PTPRT: variants seen among roughly 807,000 people sequenced by gnomAD.
PTPRT encodes the protein receptor-type tyrosine-protein phosphatase T.
PTPRT carries 56 observed loss-of-function variants against 176.8 expected under a neutral mutation model. The observed-to-expected ratio is 0.32, with a 90% confidence interval of 0.26 to 0.40. The LOEUF (loss-of-function observed/expected upper bound fraction) is 0.40, where lower values mean the gene tolerates loss of function less well. Among genes scored for constraint, PTPRT ranks in the 10% least tolerant of loss-of-function variants. The pLI is 1.00. For synonymous variants in PTPRT, 783 were observed against 739.0 expected (o/e 1.06, Z -0.96); for missense variants, 1,540 against 1,908.2 (o/e 0.81, Z 3.60).
At chr20:42,915,130 T>C (rs1226061380) in intron 1 of PTPRT, among the ~76,000 whole-genome samples, 7 of 152,242 alleles carry the variant, frequency 4.6e-5, no homozygotes, top group Non-Finnish European at 4.4e-5. Context: ...TCGTTGTTAA[T>C]GTTTCGTGGT....
intron 12 of PTPRT, among the ~76,000 whole-genome samples, chr20:42,309,378 G>C (rs371631420): frequency 6.6e-6 from 1 of 152,132 alleles, no homozygotes; most frequent in African/African-American, 2.4e-5. Context: ...AACTGAGACA[G>C]CTACCCTGGG....
At chr20:42,697,482 T>C (rs1373198385) in intron 6 of PTPRT, among the ~76,000 whole-genome samples, 1 of 152,192 alleles carries the variant, frequency 6.6e-6, no homozygotes, top group Non-Finnish European at 1.5e-5. Flanking sequence ...GAAAGGAAGA[T>C]AACCGGTAAG....
intron 18 of PTPRT, among the ~76,000 whole-genome samples, chr20:42,131,442 CAG>C (rs1988118087): frequency 6.6e-6 from 1 of 152,144 alleles, no homozygotes; most frequent in Non-Finnish European, 1.5e-5. Flanking sequence ...GCACTGGAAA[CAG>C]AGATTGTGGT....
intron 17 of PTPRT, among the ~76,000 whole-genome samples, chr20:42,157,796 C>A (rs1989427285): frequency 6.6e-6 from 1 of 152,186 alleles, no homozygotes; most frequent in African/African-American, 2.4e-5. Flanking sequence ...AAGTTTGGGC[C>A]ACAACGGTGA....
chr20:42,548,373 T>C (rs1008034206), intron 7 of PTPRT, among the ~76,000 whole-genome samples: 3 of 152,020 alleles, frequency 2.0e-5, no homozygotes, highest in Non-Finnish European at 2.9e-5. Context: ...AATATAAAAA[T>C]ATATCATGTA....
intron 1 of PTPRT, among the ~76,000 whole-genome samples, chr20:43,169,358 C>T (rs1034742825): frequency 2.0e-5 from 3 of 152,318 alleles, no homozygotes; most frequent in Admixed American, 1.3e-4. Flanking sequence ...ACTGCCACTA[C>T]ATCTTCAGTA....
intron 2 of PTPRT, among the ~76,000 whole-genome samples, chr20:42,853,572 G>GA (rs920729272): frequency 3.3e-5 from 5 of 152,106 alleles, no homozygotes; most frequent in Non-Finnish European, 7.4e-5. Flanking sequence ...AGAAAAGAGA[G>GA]AAAAAATGAA....
intron 7 of PTPRT, among the ~76,000 whole-genome samples, chr20:42,535,246 TA>T (rs1423669947): frequency 3.3e-5 from 5 of 152,150 alleles, no homozygotes; most frequent in African/African-American, 1.2e-4. Context: ...TAATGCATGT[TA>T]TCAACTATAA....
chr20:42,862,737 G>A (rs896904312), intron 2 of PTPRT, among the ~76,000 whole-genome samples: 16 of 151,992 alleles, frequency 1.1e-4, no homozygotes, highest in Admixed American at 2.6e-4. Flanking sequence ...TATTTTTCTC[G>A]TCAAGACTGC....
chr20:42,213,205 C>A (rs1308597143), intron 15 of PTPRT, among the ~76,000 whole-genome samples: 1 of 85,422 alleles, frequency 1.2e-5, no homozygotes. Flanking sequence ...GCCCTCCAAG[C>A]AATTCTACTG....
intron 13 of PTPRT, among the ~76,000 whole-genome samples, chr20:42,278,594 T>G (rs1271409895): frequency 6.6e-6 from 1 of 151,980 alleles, no homozygotes; most frequent in Admixed American, 6.6e-5. Context: ...GTAAGAGAAC[T>G]TGGATGGAAC....
chr20:42,871,297 G>A (rs1215269264), intron 2 of PTPRT, among the ~76,000 whole-genome samples: 1 of 120,554 alleles, frequency 8.3e-6, no homozygotes, highest in East Asian at 2.4e-4. Flanking sequence ...TTGGACAAAT[G>A]TCTATTTCAG....
At chr20:42,273,763 C>T (rs1054532472) in intron 13 of PTPRT, among the ~76,000 whole-genome samples, 5 of 152,220 alleles carry the variant, frequency 3.3e-5, no homozygotes, top group East Asian at 1.9e-4. Flanking sequence ...AAATTACATA[C>T]ATTTCTAAAT....
intron 19 of PTPRT, among the ~76,000 whole-genome samples, chr20:42,121,814 A>G (rs975507700): frequency 1.3e-5 from 2 of 151,862 alleles, no homozygotes; most frequent in Admixed American, 6.6e-5. Context: ...GTACCATGGA[A>G]TACTACTAAG....
At chr20:42,100,528 T>C (rs1985831744) in intron 26 of PTPRT, among the ~76,000 whole-genome samples, 1 of 152,180 alleles carries the variant, frequency 6.6e-6, no homozygotes, top group Non-Finnish European at 1.5e-5. Context: ...ACAATCAGCA[T>C]CAGAGCTTGG....
chr20:42,039,355 C>G, the PTPRT span, among the ~76,000 whole-genome samples: 1 of 151,992 alleles, frequency 6.6e-6, no homozygotes, highest in Non-Finnish European at 1.5e-5. Context: ...AAAACCCATT[C>G]TGTTAGCAAT....
chr20:42,054,963 G>C, the PTPRT span, among the ~76,000 whole-genome samples: 2 of 152,128 alleles, frequency 1.3e-5, no homozygotes, highest in Non-Finnish European at 2.9e-5. Context: ...TGTAGAAAAG[G>C]AATCGTTTTA....
At chr20:42,327,485 T>C (rs1373994917) in intron 11 of PTPRT, among the ~76,000 whole-genome samples, 2 of 152,110 alleles carry the variant, frequency 1.3e-5, no homozygotes, top group African/African-American at 4.8e-5. Context: ...GATGATTGTT[T>C]TGTGGCTATG....
intron 1 of PTPRT, among the ~76,000 whole-genome samples, chr20:42,961,880 C>T (rs1039970407): frequency 2.6e-5 from 4 of 151,980 alleles, no homozygotes; most frequent in South Asian, 2.1e-4. Context: ...AGGAGCGGGG[C>T]GGGAGGGTCA....
Sources: gnomAD v4.1 joint callset for allele counts (sites outside exome capture counted in the v4.1 genomes callset) on GRCh38, gnomAD v4.1.1 for gene constraint, MANE v1.5 for transcripts, NCBI Gene and HGNC (gene_info 2026-07-23, HGNC 2026-07-21) for gene names.